The following SLC37A2 variants were observed in gnomAD, a reference collection of about 807,000 sequenced individuals.
The protein encoded by SLC37A2 is glucose-6-phosphate exchanger SLC37A2.
A neutral mutation model predicts 70.7 loss-of-function variants in SLC37A2; 59 were observed. The observed-to-expected ratio is 0.83, with a 90% CI of 0.68 to 1.04. The LOEUF (loss-of-function observed/expected upper bound fraction) is 1.04. Ranked by LOEUF, SLC37A2 falls within the 50% of genes least tolerant of loss-of-function variation. SLC37A2 has a pLI of 0.00. For synonymous variants in SLC37A2, 257 were observed against 262.1 expected (o/e 0.98, Z 0.19); for missense variants, 580 against 658.1 (o/e 0.88, Z 1.30).
At chr11:125,071,295 C>T (rs1234965664) in intron 1 of SLC37A2, among the ~76,000 whole-genome samples, 2 of 152,162 alleles carry the variant, frequency 1.3e-5, no homozygotes, top group African/African-American at 4.8e-5. Context: ...GTGCTATTTA[C>T]ACAACCTTTC....
At chr11:125,085,841 C>A in intron 16 of SLC37A2, 113 bp from the exon 17 acceptor site, 1 of 1,254,162 alleles carries the variant, frequency 8.0e-7, no homozygotes, top group Non-Finnish European at 1.2e-6. Context: ...TGCCAAGTGG[C>A]AGCGTGTCTC....
intron 1 of SLC37A2, among the ~76,000 whole-genome samples, chr11:125,074,448 G>A (rs1433007998): frequency 1.3e-5 from 2 of 152,076 alleles, no homozygotes; most frequent in African/African-American, 2.4e-5. Flanking sequence ...GAGCAGCCTC[G>A]CTTCAGCCGA....
chr11:125,063,490 G>A lies in SLC37A2; in HGVS notation c.59+64G>A. On this transcript the variant is annotated intron_variant, in intron 1 of 17. Transcript: ENST00000403796. The surrounding 1 kb of genome is among the most constrained non-coding windows in gnomAD (Gnocchi z 5.4). ...TGGGCTCGGGGCTTGCAGGGGCCGC[G>A]GGGGGCCTCGGAGATCACCCCAGAT... The A allele has an allele frequency of 6.8e-7, 1 of 1,462,728 alleles. No homozygotes were observed. Among genetic ancestry groups the A allele is most frequent in the Non-Finnish European group, 9.4e-7 (1 of 1,068,982 alleles). The allele number at this position is 1,462,728 out of a possible 1,614,324, so 90.6% of individuals were successfully genotyped here. A position where few individuals can be genotyped will look rare whatever the true frequency, so the allele number is the denominator to read the frequency against.
At position 125,088,197 on chromosome 11, in the gene SLC37A2, C is replaced by T. The variant is rs373242198; in HGVS notation, c.*63C>T. ...GGGTCCCCAACGTGCTCCCCATGGG[C>T]AAGACAATGGAAACTTCCACAAGCA... On this transcript the variant is annotated 3_prime_UTR_variant, in exon 18 of 18. Coordinates refer to ENST00000403796, the MANE Select transcript of SLC37A2 (RefSeq NM_001145290.2). 4.6e-5 allele frequency: 71 copies of T among 1,532,406 alleles called. No homozygotes were observed. In the African/African-American group the frequency reaches 8.8e-4, roughly 19 times the overall value. 94.9% of individuals were successfully genotyped at this position (1,532,406 alleles called of 1,614,324 possible).
Position 125,063,565 on chromosome 11 carries a change from G to C in SLC37A2, c.59+139G>C. The C allele has an allele frequency of 1.3e-6, 1 of 751,716 alleles. No homozygotes were observed. Among genetic ancestry groups the C allele is most frequent in the Non-Finnish European group, 2.0e-6 (1 of 488,416 alleles). 46.6% of individuals were successfully genotyped at this position (751,716 alleles called of 1,614,324 possible). A position where few individuals can be genotyped will look rare whatever the true frequency, so the allele number is the denominator to read the frequency against. On this transcript the variant is annotated intron_variant, in intron 1 of 17. Transcript: ENST00000403796. This position sits in a 1 kb window ranked among gnomAD's most constrained non-coding sequence, Gnocchi z 5.4. ...AGGGGTGCTGGGGGGACTTGGTCCCGAGCTCCTCCAGCGGCGCCCGCCTCG... is the reference window on the plus strand; with the variant it reads ...AGGGGTGCTGGGGGGACTTGGTCCCCAGCTCCTCCAGCGGCGCCCGCCTCG...
rs1949129979 is a variant in SLC37A2, at chr11:125,080,017, G to A, written c.527+257G>A. ...CTATTTTCAACGAAGACAAAAAGAAGCCTATAAAACTTCCGCCCTGCCCCC... is the reference window on the plus strand; with the variant it reads ...CTATTTTCAACGAAGACAAAAAGAAACCTATAAAACTTCCGCCCTGCCCCC... On this transcript the variant is annotated intron_variant, in intron 6 of 17. Coordinates refer to ENST00000403796, the MANE Select transcript of SLC37A2 (RefSeq NM_001145290.2). This position sits in a 1 kb window ranked among gnomAD's most constrained non-coding sequence, Gnocchi z 4.3. Among the ~76,000 whole-genome samples, 1 of 152,144 alleles carries A rather than the reference G, an allele frequency of 6.6e-6. No individual in the cohort carries two copies.
chr11:125,076,523 G>A (rs541779208), intron 1 of SLC37A2, among the ~76,000 whole-genome samples: 182 of 152,278 alleles, frequency 1.2e-3, no homozygotes, highest in Non-Finnish European at 2.1e-3. Flanking sequence ...GGCTGGGGCC[G>A]AGCCGGCTGC....
In SLC37A2 at chr11:125,080,824, C is replaced by T. The variant is rs752177357; in HGVS notation, c.694+44C>T. On this transcript the variant is annotated intron_variant, in intron 7 of 17. Coordinates refer to ENST00000403796, the MANE Select transcript of SLC37A2 (RefSeq NM_001145290.2). The surrounding 1 kb of genome is among the most constrained non-coding windows in gnomAD (Gnocchi z 4.3). ...CCCCACAAGTGAGCCTAGAAGTTCT[C>T]GGTTTCTGGGAGAAGGCAGCTGGAT... 32 of 1,346,402 alleles carry T rather than the reference C, an allele frequency of 2.4e-5. No individual in the cohort carries two copies. The highest frequency in any genetic ancestry group is 2.5e-5 in the Non-Finnish European group (26 of 1,038,944). The allele number at this position is 1,346,402 out of a possible 1,614,324, so 83.4% of individuals were successfully genotyped here.
intron 1 of SLC37A2, among the ~76,000 whole-genome samples, chr11:125,071,856 G>C (rs1188372447): frequency 6.6e-6 from 1 of 150,496 alleles, no homozygotes; most frequent in East Asian, 1.9e-4. Flanking sequence ...GTGGGGGAGG[G>C]GGGGTGGGCA....
chr11:125,089,967 G>C lies in SLC37A2; in HGVS notation c.*1833G>C, dbSNP rs1949267157. ...TGAAGCCAGCTGGGCTCCTGAGTCT[G>C]ATGGGGACGTGGAGAGTCCTTATGT... On this transcript the variant is annotated 3_prime_UTR_variant, in exon 18 of 18. Transcript: ENST00000403796. The C allele has an allele frequency of 6.5e-6, 1 of 153,806 alleles. No homozygotes were observed. 9.5% of individuals were successfully genotyped at this position (153,806 alleles called of 1,614,324 possible). A position where few individuals can be genotyped will look rare whatever the true frequency, so the allele number is the denominator to read the frequency against.
In SLC37A2 at chr11:125,079,136, G is replaced by T. The variant is rs139846340; in HGVS notation, c.339G>T (p.Pro113=). The change falls in exon 5 of 18, where the codon CCG becomes CCT. Residue 113 remains proline (P), a synonymous_variant. Coordinates refer to ENST00000403796, the MANE Select transcript of SLC37A2 (RefSeq NM_001145290.2). The part of the protein sequence containing the change: ...FISGVFGERL[P]LRYYLSAGML... ...GTGGGGTTTTTGGGGAGCGGCTTCCGCTCCGTTACTACCTCTCAGCTGGAA... is the reference window on the plus strand; with the variant it reads ...GTGGGGTTTTTGGGGAGCGGCTTCCTCTCCGTTACTACCTCTCAGCTGGAA... 149 of 1,614,082 alleles carry T rather than the reference G, an allele frequency of 9.2e-5. No individual in the cohort carries two copies. The highest frequency in any genetic ancestry group is 2.7e-4 in the East Asian group (12 of 44,898).
Position 125,079,751 on chromosome 11 carries a change from G to T in SLC37A2, c.518G>T (p.Gly173Val). 1 of 1,609,358 alleles carries T rather than the reference G, an allele frequency of 6.2e-7. No homozygotes were observed. The change falls in exon 6 of 18, where the codon GGG (glycine) becomes GTG (valine). Residue 173 changes from glycine (G) to valine (V), a missense_variant. Transcript: ENST00000403796. ...SVVTCVGNWFGKGKRGFIMGI... is the reference protein window; with the variant it reads ...SVVTCVGNWFVKGKRGFIMGI... Reference sequence around the variant, plus strand: ...GTGACCTGTGTTGGCAACTGGTTCGGGAAGGGGAAGTGAGTGTAACAAGGG... The same window carrying T: ...GTGACCTGTGTTGGCAACTGGTTCGTGAAGGGGAAGTGAGTGTAACAAGGG...
chr11:125,079,650 G>A (rs1949126393), intron 5 of SLC37A2, 34 bp from the exon 6 acceptor site: 1 of 1,547,238 alleles, frequency 6.5e-7, no homozygotes, highest in Non-Finnish European at 8.8e-7. Context: ...CACAGCCCAG[G>A]CCTGTTCCCA....
At chr11:125,084,015 G>A (rs2135575588) in intron 11 of SLC37A2, 138 bp downstream of exon 11, 1 of 979,194 alleles carries the variant, frequency 1.0e-6, no homozygotes, top group Non-Finnish European at 1.6e-6. Flanking sequence ...TTTATTCTCA[G>A]CTCTGATCCT....
At chr11:125,071,795 C>T (rs957790370) in intron 1 of SLC37A2, among the ~76,000 whole-genome samples, 3 of 139,224 alleles carry the variant, frequency 2.2e-5, no homozygotes, top group East Asian at 2.4e-4. Context: ...GGTATCTGTT[C>T]CTGGCTGGCC....
At position 125,080,806 on chromosome 11, in the gene SLC37A2, A is replaced by G. The variant is rs1949138845; in HGVS notation, c.694+26A>G. On this transcript the variant is annotated intron_variant, in intron 7 of 17. Coordinates refer to ENST00000403796, the MANE Select transcript of SLC37A2 (RefSeq NM_001145290.2). The surrounding 1 kb of genome is among the most constrained non-coding windows in gnomAD (Gnocchi z 4.3). Reference sequence around the variant, plus strand: ...GTGAGTGGGCCCCTCACTCCCCACAAGTGAGCCTAGAAGTTCTCGGTTTCT... The same window carrying G: ...GTGAGTGGGCCCCTCACTCCCCACAGGTGAGCCTAGAAGTTCTCGGTTTCT... 1 of 1,403,288 alleles carries G rather than the reference A, an allele frequency of 7.1e-7. No homozygotes were observed. The allele number at this position is 1,403,288 out of a possible 1,614,324, so 86.9% of individuals were successfully genotyped here.
At chr11:125,084,340 G>A (rs1415377258) in intron 12 of SLC37A2, 21 bp downstream of exon 12, 2 of 1,613,148 alleles carry the variant, frequency 1.2e-6, no homozygotes, top group Non-Finnish European at 1.7e-6. Context: ...CCCCGAGGGT[G>A]AAGTGCGAAT....
At position 125,081,790 on chromosome 11, in the gene SLC37A2, C is replaced by A; in HGVS notation, c.769C>A (p.Pro257Thr). 6.2e-7 allele frequency: 1 copy of A among 1,612,620 alleles called. No homozygotes were observed. The highest frequency in any genetic ancestry group is 1.7e-5 in the Admixed American group (1 of 59,732). ...TGAGAACCAGGACAACCCTGAGGAC[C>A]CTGGGAACAGTCCCTGCTCTATCAG... ...PAENQDNPED[P>T]GNSPCSIRES... is the part of the protein sequence containing the mutation. Residue 257 changes from proline (P) to threonine (T), a missense_variant, in exon 9 of 18, where the codon CCT becomes ACT. Pro to Thr is a conservative substitution (Grantham distance 38). Coordinates refer to ENST00000403796, the MANE Select transcript of SLC37A2 (RefSeq NM_001145290.2).
chr11:125,083,908 T>C lies in SLC37A2; in HGVS notation c.1039+31T>C. ...GCCTTGCCCTGCTCTGCCAGCAGGC[T>C]CCCTTCCCCTCTTTTCTTGTGGGGT... On this transcript the variant is annotated intron_variant, in intron 11 of 17. Coordinates refer to ENST00000403796, the MANE Select transcript of SLC37A2 (RefSeq NM_001145290.2). This position sits in a 1 kb window ranked among gnomAD's most constrained non-coding sequence, Gnocchi z 4.6. 6 of 1,602,902 alleles carry C rather than the reference T, an allele frequency of 3.7e-6. No individual in the cohort carries two copies. The highest frequency in any genetic ancestry group is 5.1e-6 in the Non-Finnish European group (6 of 1,169,834).
Sources: gnomAD v4.1 joint callset for allele counts (sites outside exome capture counted in the v4.1 genomes callset) on GRCh38, gnomAD v4.1.1 for gene constraint, Gnocchi (gnomAD v3.1) non-coding constraint, MANE v1.5 for transcripts, NCBI Gene and HGNC (gene_info 2026-07-23, HGNC 2026-07-21) for gene names.